The following NOL4 variants were observed in gnomAD, a reference collection of about 807,000 sequenced individuals.
NOL4 encodes the protein cancer/testis antigen 125.
NOL4 carries 17 observed loss-of-function variants against 75.9 expected under a neutral mutation model. The observed-to-expected ratio is 0.22, with a 90% CI of 0.15 to 0.34. The LOEUF is 0.34. Ranked by LOEUF, NOL4 falls within the 10% of genes least tolerant of loss-of-function variation. The probability of loss-of-function intolerance (pLI) is 1.00; values close to 1 mark genes in which losing one functional copy is unlikely to be tolerated. For synonymous variants in NOL4, 292 were observed against 289.9 expected, an observed-to-expected ratio of 1.01 and a Z score of -0.07; for missense variants, 614 against 793.5, an observed-to-expected ratio of 0.77 and a Z score of 2.72.
chr18:34,053,195 G>C (rs548050774), intron 5 of NOL4, among the ~76,000 whole-genome samples: 2 of 152,136 alleles, frequency 1.3e-5, no homozygotes, highest in African/African-American at 4.8e-5. Context: ...CAAGATTACA[G>C]AGAGAAGGTA....
At chr18:34,008,272 T>G (rs1312972286) in intron 6 of NOL4, among the ~76,000 whole-genome samples, 1 of 151,978 alleles carries the variant, frequency 6.6e-6, no homozygotes, top group Non-Finnish European at 1.5e-5. Context: ...TACCAGGGCT[T>G]TCCTGAGCCT....
At chr18:34,207,747 C>T (rs774114375) in intron 1 of NOL4, among the ~76,000 whole-genome samples, 6 of 152,094 alleles carry the variant, frequency 3.9e-5, no homozygotes, top group Admixed American at 3.3e-4. Flanking sequence ...GGGATTGAGG[C>T]CATCTCCAGG....
At chr18:34,061,241 A>G (rs2077051974) in intron 5 of NOL4, among the ~76,000 whole-genome samples, 1 of 152,176 alleles carries the variant, frequency 6.6e-6, no homozygotes, top group Non-Finnish European at 1.5e-5. Flanking sequence ...TCATAGATAT[A>G]TGAAAGATAT....
chr18:34,213,456 A>C (rs927838176), intron 1 of NOL4, among the ~76,000 whole-genome samples: 1 of 151,860 alleles, frequency 6.6e-6, no homozygotes, highest in Admixed American at 6.6e-5. Flanking sequence ...CCCCCAGCTA[A>C]TTTTTGTATT....
At chr18:33,883,153 A>T (rs985260281) in intron 10 of NOL4, 91 bp downstream of exon 10, 2 of 913,778 alleles carry the variant, frequency 2.2e-6, no homozygotes, top group African/African-American at 3.4e-5. Context: ...ACATGTATAC[A>T]TATGTAACTA....
chr18:34,054,521 C>T (rs1043072838), intron 5 of NOL4, among the ~76,000 whole-genome samples: 2 of 151,678 alleles, frequency 1.3e-5, no homozygotes, highest in Non-Finnish European at 2.9e-5. Context: ...AGTATAGCAC[C>T]TCTGCTCTTT....
chr18:33,958,092 G>C, intron 7 of NOL4, 147 bp downstream of exon 7: 2 of 731,550 alleles, frequency 2.7e-6, no homozygotes, highest in South Asian at 4.4e-5. Flanking sequence ...TCTGGTGTCT[G>C]GTTGGCAAAG....
At chr18:33,915,140 A>G (rs2066636817) in intron 9 of NOL4, among the ~76,000 whole-genome samples, 1 of 152,200 alleles carries the variant, frequency 6.6e-6, no homozygotes, top group South Asian at 2.1e-4. Context: ...AAAGTAATCA[A>G]CCGTGACAAA....
Position 33,852,839 on chromosome 18 carries a change from G to A in NOL4, c.*3C>T. On this transcript the variant is annotated 3_prime_UTR_variant, in exon 11 of 11. Transcript: ENST00000261592. Reference sequence around the variant, plus strand: ...ACCTCAGTGAATATGGTGGTCGTCTGTCTCAGTTCTGTTGTAAAATGAGAT... The same window carrying A: ...ACCTCAGTGAATATGGTGGTCGTCTATCTCAGTTCTGTTGTAAAATGAGAT... The A allele has an allele frequency of 6.2e-7, 1 of 1,609,952 alleles. No homozygotes were observed. The highest frequency in any genetic ancestry group is 2.2e-5 in the East Asian group (1 of 44,766).
At chr18:33,952,738 A>G (rs1269040344) in intron 8 of NOL4, among the ~76,000 whole-genome samples, 2 of 152,318 alleles carry the variant, frequency 1.3e-5, no homozygotes, top group African/African-American at 4.8e-5. Flanking sequence ...CAGCCTGACC[A>G]ACATGGAGAA....
chr18:34,007,648 T>C (rs2074111662), intron 6 of NOL4, among the ~76,000 whole-genome samples: 1 of 152,064 alleles, frequency 6.6e-6, no homozygotes. Context: ...AAAGATGTAC[T>C]GACGCTATAT....
chr18:33,982,742 ATTTTTTT>A (rs953221382), intron 6 of NOL4, among the ~76,000 whole-genome samples: 1 of 104,914 alleles, frequency 9.5e-6, no homozygotes, highest in Admixed American at 1.1e-4. Context: ...AGACAATGGG[ATTTTTTT>A]TTTTTTTTTT....
At chr18:34,208,957 C>CCTAG (rs1450272556) in intron 1 of NOL4, among the ~76,000 whole-genome samples, 1 of 151,676 alleles carries the variant, frequency 6.6e-6, no homozygotes, top group East Asian at 1.9e-4. Context: ...TACCTGTAAT[C>CCTAG]CTAGCACTTT....
chr18:33,877,447 A>G (rs2144590199), intron 10 of NOL4, among the ~76,000 whole-genome samples: 1 of 151,238 alleles, frequency 6.6e-6, no homozygotes, highest in African/African-American at 2.4e-5. Context: ...TAAAAAAAAA[A>G]AAAAAAAAAA....
chr18:33,924,514 T>A (rs960597697), intron 9 of NOL4, among the ~76,000 whole-genome samples: 1 of 152,196 alleles, frequency 6.6e-6, no homozygotes, highest in African/African-American at 2.4e-5. Context: ...ACTCAAAGCC[T>A]CTTCCCCTCC....
intron 6 of NOL4, among the ~76,000 whole-genome samples, chr18:34,010,907 A>AT (rs1161828986): frequency 6.6e-6 from 1 of 151,556 alleles, no homozygotes; most frequent in African/African-American, 2.4e-5. Context: ...GTATTATCAT[A>AT]TTTTTTTCTA....
chr18:33,960,527 C>G (rs62097806), intron 6 of NOL4, among the ~76,000 whole-genome samples: 1 of 152,116 alleles, frequency 6.6e-6, no homozygotes, highest in Non-Finnish European at 1.5e-5. Context: ...CATTTCTTCC[C>G]TCAGCAAACC....
chr18:34,145,063 T>C (rs1008194309), intron 1 of NOL4, among the ~76,000 whole-genome samples: 1 of 152,110 alleles, frequency 6.6e-6, no homozygotes, highest in East Asian at 1.9e-4. Context: ...TGGCAAGATA[T>C]TGACAGACAA....
intron 6 of NOL4, among the ~76,000 whole-genome samples, chr18:33,959,832 A>G (rs1237015117): frequency 1.3e-5 from 2 of 152,024 alleles, no homozygotes; most frequent in Admixed American, 6.6e-5. Context: ...ACCTCTTCTT[A>G]TCTAAAGAAT....
Sources: allele counts gnomAD v4.1 joint callset (sites outside exome capture counted in the v4.1 genomes callset), GRCh38; gene constraint gnomAD v4.1.1; transcripts MANE v1.5; gene names NCBI Gene and HGNC (gene_info 2026-07-23, HGNC 2026-07-21).